The following CASD1 variants were observed in gnomAD, a reference collection of about 807,000 sequenced individuals.
The protein encoded by CASD1 is N-acetylneuraminate (7)9-O-acetyltransferase.
In CASD1, 41 loss-of-function variants were observed where a neutral mutation model predicts 100.0. The observed-to-expected ratio is 0.41, with a 90% CI of 0.32 to 0.53. CASD1 has a LOEUF of 0.53. Ranked by LOEUF, CASD1 falls within the 20% of genes least tolerant of loss-of-function variation. CASD1 has a pLI of 0.25. For missense variants in CASD1, 774 were observed against 948.7 expected, an observed-to-expected ratio of 0.82 and a Z score of 2.42; for synonymous variants, 321 against 315.6, an observed-to-expected ratio of 1.02 and a Z score of -0.18.
At chr7:94,621,955 A>G in the CASD1 span, 7 of 152,178 alleles carry the variant, frequency 4.6e-5, no homozygotes, top group African/African-American at 1.4e-4. Context: ...TTAAATTTTA[A>G]ACTTGCACAT....
chr7:94,575,749 A>G, the CASD1 span, among the ~76,000 whole-genome samples: 1 of 151,680 alleles, frequency 6.6e-6, no homozygotes, highest in Admixed American at 6.6e-5. Context: ...AGTTTGCTGG[A>G]TATAAAATCT....
In CASD1 at chr7:94,538,985, G is replaced by A; in HGVS notation, c.1285G>A (p.Glu429Lys). The change falls in exon 10 of 18, where the codon GAA becomes AAA. Residue 429 changes from glutamate (E) to lysine (K), a missense_variant. Physicochemically the swap from Glu to Lys is moderately conservative, Grantham distance 56 (BLOSUM62 1). Transcript: ENST00000297273. ...NTKETKVLNR[E>K]QTDEWKGWMQ... ...TACACAGACTAAAGTATTAAATAGA[G>A]AACAAACAGACGAATGGAAAGGCTG... The A allele has an allele frequency of 1.2e-6, 2 of 1,604,910 alleles. No individual in the cohort carries two copies. Among genetic ancestry groups the A allele is most frequent in the Non-Finnish European group, 1.7e-6 (2 of 1,172,818 alleles).
intron 17 of CASD1, among the ~76,000 whole-genome samples, chr7:94,554,857 C>T (rs1796125960): frequency 6.6e-6 from 1 of 152,012 alleles, no homozygotes; most frequent in Admixed American, 6.6e-5. Context: ...AACCAAGATG[C>T]TGAGACCAAG....
chr7:94,528,239 G>A lies in CASD1; in HGVS notation c.448G>A (p.Val150Met). ...VNGSMKQCIK[V>M]WTEDSIAKPH... Reference sequence around the variant, plus strand: ...TGGTTCTATGAAACAGTGTATCAAAGTGTGGACTGAGGTCTGTATTTAAAA... The same window carrying A: ...TGGTTCTATGAAACAGTGTATCAAAATGTGGACTGAGGTCTGTATTTAAAA... Residue 150 changes from valine to methionine, a missense_variant, in exon 5 of 18, where the codon GTG (valine) becomes ATG (methionine). Physicochemically the swap from Val to Met is conservative, Grantham distance 21. Around this residue, in one of 5 missense-constraint regions of CASD1, gnomAD observed 453 missense variants for 532.6 expected, o/e 0.85. Transcript: ENST00000297273. The A allele has an allele frequency of 6.2e-7, 1 of 1,600,136 alleles. No individual in the cohort carries two copies. Among genetic ancestry groups the A allele is most frequent in the Non-Finnish European group, 8.5e-7 (1 of 1,172,908 alleles).
chr7:94,583,825 C>T, the CASD1 span, among the ~76,000 whole-genome samples: 1 of 152,024 alleles, frequency 6.6e-6, no homozygotes, highest in South Asian at 2.1e-4. Context: ...GATAGCAGTC[C>T]TCAGCATGTG....
the CASD1 span, chr7:94,599,781 G>T: frequency 5.2e-6 from 6 of 1,163,676 alleles, no homozygotes; most frequent in Middle Eastern, 1.9e-4. Flanking sequence ...GGAACATTAA[G>T]ACTATATGCT....
the CASD1 span, among the ~76,000 whole-genome samples, chr7:94,575,634 C>T: frequency 2.0e-5 from 3 of 152,180 alleles, no homozygotes; most frequent in Admixed American, 6.5e-5. Context: ...CTAATACTGT[C>T]AGTAGGACTC....
At chr7:94,586,394 G>C in the CASD1 span, 1 of 152,284 alleles carries the variant, frequency 6.6e-6, no homozygotes, top group East Asian at 1.9e-4. Context: ...TTTAGAAATT[G>C]AGAAATAAAC....
intron 17 of CASD1, 33 bp from the exon 18 acceptor site, chr7:94,555,459 A>G (rs1045963231): frequency 3.1e-6 from 5 of 1,598,286 alleles, no homozygotes; most frequent in Non-Finnish European, 4.3e-6. Flanking sequence ...TGGACCCTCT[A>G]TAAATATCTG....
chr7:94,628,229 T>A, the CASD1 span: 1 of 1,611,760 alleles, frequency 6.2e-7, no homozygotes, highest in African/African-American at 1.3e-5. Context: ...TCCCCACATT[T>A]TCAGCTGTTG....
chr7:94,586,855 A>G, the CASD1 span: 1 of 985,304 alleles, frequency 1.0e-6, no homozygotes, highest in Admixed American at 6.1e-5. Context: ...TTGCATAATT[A>G]TAAAAAAAAA....
intron 11 of CASD1, 74 bp downstream of exon 11, chr7:94,544,604 A>T: frequency 6.9e-7 from 1 of 1,448,948 alleles, no homozygotes; most frequent in Non-Finnish European, 9.4e-7. Flanking sequence ...TTGAGAAAAA[A>T]ATATAAATAT....
At chr7:94,560,549 G>A (rs1390992330), downstream of CASD1, among the ~76,000 whole-genome samples, 3 of 152,118 alleles carry the variant, frequency 2.0e-5, no homozygotes, top group East Asian at 3.8e-4. Flanking sequence ...TTAGAGTAAC[G>A]GGAGAAGTGG....
rs761691839 is a variant in CASD1, at chr7:94,538,991, A to G, written c.1291A>G (p.Thr431Ala). 1.9e-6 allele frequency: 3 copies of G among 1,607,522 alleles called. No individual in the cohort carries two copies. Among genetic ancestry groups the G allele is most frequent in the South Asian group, 1.1e-5 (1 of 90,798 alleles). Reference sequence around the variant, plus strand: ...GACTAAAGTATTAAATAGAGAACAAACAGACGAATGGAAAGGCTGGATGCA... The same window carrying G: ...GACTAAAGTATTAAATAGAGAACAAGCAGACGAATGGAAAGGCTGGATGCA... Reference protein sequence around the residue: ...KETKVLNREQTDEWKGWMQLV... With the variant: ...KETKVLNREQADEWKGWMQLV... Residue 431 changes from threonine (T) to alanine (A), a missense_variant, in exon 10 of 18, where the codon ACA becomes GCA. Coordinates refer to ENST00000297273, the MANE Select transcript of CASD1 (RefSeq NM_022900.5).
At chr7:94,575,734 A>G in the CASD1 span, among the ~76,000 whole-genome samples, 2 of 152,158 alleles carry the variant, frequency 1.3e-5, no homozygotes, top group African/African-American at 4.8e-5. Flanking sequence ...CAGTTTTTCA[A>G]AATAAGTTTG....
chr7:94,602,472 C>A, the CASD1 span, among the ~76,000 whole-genome samples: 1 of 151,652 alleles, frequency 6.6e-6, no homozygotes, highest in Admixed American at 6.6e-5. Flanking sequence ...GTTCAAATGT[C>A]AACTTTAAAC....
At chr7:94,572,563 T>C in the CASD1 span, among the ~76,000 whole-genome samples, 1 of 152,218 alleles carries the variant, frequency 6.6e-6, no homozygotes, top group Non-Finnish European at 1.5e-5. Context: ...TTGCCCACTT[T>C]TTAATGGGGT....
At chr7:94,587,714 G>A in the CASD1 span, 14 of 1,534,300 alleles carry the variant, frequency 9.1e-6, no homozygotes, top group East Asian at 2.5e-5. Context: ...AATCAAAATT[G>A]TAGGGAAAAA....
chr7:94,545,726 T>G, intron 12 of CASD1, 25 bp downstream of exon 12: 1 of 1,455,900 alleles, frequency 6.9e-7, no homozygotes, highest in Non-Finnish European at 9.3e-7. Context: ...TTACTAATGT[T>G]AGTAAATATA....
Sources: gnomAD v4.1 joint callset for allele counts (sites outside exome capture counted in the v4.1 genomes callset) on GRCh38, gnomAD v4.1.1 for gene constraint, gnomAD v4.1.1 regional missense constraint, MANE v1.5 for transcripts, NCBI Gene and HGNC (gene_info 2026-07-23, HGNC 2026-07-21) for gene names.